The following AK9 variants were observed in gnomAD, a reference collection of about 807,000 sequenced individuals.
AK9 encodes adenylate kinase domain containing 1.
A neutral mutation model predicts 239.6 loss-of-function variants in AK9; 191 were observed. The observed-to-expected ratio is 0.80, with a 90% CI of 0.71 to 0.90. The LOEUF (loss-of-function observed/expected upper bound fraction) is 0.90. Ranked by LOEUF, AK9 falls within the 40% of genes least tolerant of loss-of-function variation. The probability of loss-of-function intolerance (pLI) is 0.00; values close to 1 mark genes in which losing one functional copy is unlikely to be tolerated. For missense variants in AK9, 1,995 were observed against 2,214.7 expected (o/e 0.90, Z 1.99); for synonymous variants, 689 against 721.0 (o/e 0.96, Z 0.71).
chr6:109,493,869 C>A, intron 40 of AK9, 112 bp downstream of exon 40: 1 of 791,768 alleles, frequency 1.3e-6, no homozygotes, highest in South Asian at 1.9e-5. Context: ...TACTAACACT[C>A]TCTCTTTCTC....
intron 26 of AK9, among the ~76,000 whole-genome samples, chr6:109,544,044 A>G (rs1783217916): frequency 6.6e-6 from 1 of 152,030 alleles, no homozygotes. Context: ...GCTTGAGCCC[A>G]GGAGTCAGAG....
At chr6:109,546,831 C>T (rs9487143) in intron 25 of AK9, among the ~76,000 whole-genome samples, 5,196 of 152,154 alleles carry the variant, frequency 0.034, 126 homozygotes, top group East Asian at 0.11. Context: ...ATAAAACTAC[C>T]GGATTAACAC....
At chr6:109,674,525 T>C (rs1191308653) in intron 2 of AK9, among the ~76,000 whole-genome samples, 2 of 152,212 alleles carry the variant, frequency 1.3e-5, no homozygotes, top group South Asian at 2.1e-4. Context: ...TATACCATTA[T>C]GGTACTGCAC....
chr6:109,667,674 T>C (rs531622316), intron 5 of AK9, among the ~76,000 whole-genome samples: 3 of 152,306 alleles, frequency 2.0e-5, no homozygotes, highest in African/African-American at 4.8e-5. Flanking sequence ...GTCCTTGCGA[T>C]AGTTTGCTGA....
intron 13 of AK9, among the ~76,000 whole-genome samples, chr6:109,615,647 T>A (rs1794095099): frequency 6.6e-6 from 1 of 152,178 alleles, no homozygotes; most frequent in Non-Finnish European, 1.5e-5. Context: ...GGGCACCATG[T>A]TGAATTATTT....
At chr6:109,601,627 A>G (rs1791981494) in intron 17 of AK9, among the ~76,000 whole-genome samples, 2 of 150,786 alleles carry the variant, frequency 1.3e-5, no homozygotes, top group East Asian at 2.0e-4. Context: ...CAATTCCTGG[A>G]TATTCTTGTT....
intron 10 of AK9, among the ~76,000 whole-genome samples, chr6:109,641,084 C>T (rs1370557574): frequency 1.3e-5 from 2 of 150,632 alleles, no homozygotes; most frequent in African/African-American, 4.9e-5. Context: ...CTAGAAATCA[C>T]ATCCATTTTT....
At position 109,550,898 on chromosome 6, in the gene AK9, C is replaced by T. The variant is rs559725761; in HGVS notation, c.2752-596G>A. Among the ~76,000 whole-genome samples the T allele has an allele frequency of 7.4e-4, 112 of 152,096 alleles. 1 individual carries two copies. Among genetic ancestry groups the T allele is most frequent in the African/African-American group, 2.6e-3 (109 of 41,498 alleles). ...AAAATGTTTTTTATGATGTAAAATA[C>T]ATGCTTACTGTAAAAATATTCAAAA... is the stretch of plus-strand genomic sequence containing the variant. On this transcript the variant is annotated intron_variant, in intron 24 of 40. Coordinates refer to ENST00000424296, the MANE Select transcript of AK9 (RefSeq NM_001145128.3).
At position 109,564,733 on chromosome 6, in the gene AK9, CT is replaced by C. The variant is rs562360385; in HGVS notation, c.2434+22del. The C allele has an allele frequency of 6.8e-4, 1,009 of 1,483,158 alleles. 17 individuals are homozygous for C. The South Asian group carries it at 0.011, about 17-fold the overall frequency. The allele number at this position is 1,483,158 out of a possible 1,614,324, so 91.9% of individuals were successfully genotyped here. Reference sequence around the variant, plus strand: ...TATGAAAAGTACTTTTATGCAAGAACTACTTTCATTTTACAGTCTAACCTGT... The same window carrying C: ...TATGAAAAGTACTTTTATGCAAGAACACTTTCATTTTACAGTCTAACCTGT... On this transcript the variant is annotated intron_variant, in intron 22 of 40. Coordinates refer to ENST00000424296, the MANE Select transcript of AK9 (RefSeq NM_001145128.3).
At chr6:109,618,045 G>A (rs996222443) in intron 13 of AK9, among the ~76,000 whole-genome samples, 2 of 152,152 alleles carry the variant, frequency 1.3e-5, no homozygotes, top group Non-Finnish European at 2.9e-5. Flanking sequence ...AATGCATCAC[G>A]AATGGCTATT....
intron 5 of AK9, among the ~76,000 whole-genome samples, chr6:109,665,979 A>G (rs1801135925): frequency 6.6e-6 from 1 of 152,196 alleles, no homozygotes. Flanking sequence ...GGAATGCTGA[A>G]CTTCTGGTGT....
chr6:109,586,435 G>A (rs1329775306), intron 17 of AK9, among the ~76,000 whole-genome samples: 1 of 152,086 alleles, frequency 6.6e-6, no homozygotes, highest in Non-Finnish European at 1.5e-5. Context: ...TTAACAAAGG[G>A]AAGAACAGAC....
intron 13 of AK9, among the ~76,000 whole-genome samples, chr6:109,615,993 TG>T (rs1794140703): frequency 6.6e-6 from 1 of 151,938 alleles, no homozygotes; most frequent in South Asian, 2.1e-4. Context: ...CGCAGCACTT[TG>T]GGAGGCCAAG....
chr6:109,629,103 T>G (rs541396445), intron 12 of AK9, among the ~76,000 whole-genome samples: 1 of 152,286 alleles, frequency 6.6e-6, no homozygotes, highest in South Asian at 2.1e-4. Flanking sequence ...TTCATGATTT[T>G]ATTTTATTTT....
At chr6:109,579,836 A>C (rs1036951795) in intron 19 of AK9, among the ~76,000 whole-genome samples, 1 of 152,146 alleles carries the variant, frequency 6.6e-6, no homozygotes, top group Non-Finnish European at 1.5e-5. Flanking sequence ...ACTTTGAAAA[A>C]CTTTGTCTAT....
intron 9 of AK9, among the ~76,000 whole-genome samples, chr6:109,642,700 G>GA (rs1179645027): frequency 4.6e-5 from 7 of 151,410 alleles, no homozygotes; most frequent in East Asian, 1.9e-4. Context: ...TGGGATGTGA[G>GA]AAAAAAAAAG....
intron 17 of AK9, among the ~76,000 whole-genome samples, chr6:109,592,105 G>A (rs1960325): frequency 0.35 from 52,558 of 150,254 alleles, 9,566 homozygotes; most frequent in South Asian, 0.44. Context: ...TTAACATCAC[G>A]TGTAGGAATG....
chr6:109,571,196 G>C (rs1023908297), intron 21 of AK9, among the ~76,000 whole-genome samples: 2 of 152,126 alleles, frequency 1.3e-5, no homozygotes, highest in African/African-American at 4.8e-5. Context: ...GGGTCATGTG[G>C]AATTTGGGAG....
intron 5 of AK9, among the ~76,000 whole-genome samples, chr6:109,666,157 A>G (rs1368987848): frequency 1.3e-5 from 2 of 152,310 alleles, no homozygotes; most frequent in African/African-American, 4.8e-5. Context: ...GATGTCTAGT[A>G]TTATCATTCC....
Sources: gnomAD v4.1 joint callset for allele counts (sites outside exome capture counted in the v4.1 genomes callset) on GRCh38, gnomAD v4.1.1 for gene constraint, MANE v1.5 for transcripts, NCBI Gene and HGNC (gene_info 2026-07-23, HGNC 2026-07-21) for gene names.